Variants in IL7 observed in about 807,000 individuals in gnomAD.
IL7 encodes interleukin 7, also known as interleukin-7.
In IL7, 3 loss-of-function variants were observed where a neutral mutation model predicts 21.6. The observed-to-expected ratio is 0.14, with a 90% CI of 0.06 to 0.36. The LOEUF (loss-of-function observed/expected upper bound fraction) is 0.36, where lower values mean the gene tolerates loss of function less well. Ranked by LOEUF, IL7 falls within the 10% of genes least tolerant of loss-of-function variation. The pLI is 1.00. For synonymous variants in IL7, 62 were observed against 68.1 expected (o/e 0.91, Z 0.44); for missense variants, 175 against 200.2 (o/e 0.87, Z 0.76).
downstream of IL7, among the ~76,000 whole-genome samples, chr8:78,728,011 G>C (rs6985211): frequency 1.7e-4 from 26 of 152,048 alleles, no homozygotes; most frequent in Non-Finnish European, 4.4e-5. Flanking sequence ...AATACCATTT[G>C]TAAAAGCACA....
intron 3 of IL7, chr8:78,689,299 C>T (rs1428005701): frequency 6.2e-7 from 1 of 1,602,554 alleles, no homozygotes; most frequent in Non-Finnish European, 8.5e-7. Context: ...CTGTAAAGAA[C>T]AGGCAGCACG....
At chr8:78,801,042 G>A (rs1814039057) in intron 1 of IL7, among the ~76,000 whole-genome samples, 1 of 152,066 alleles carries the variant, frequency 6.6e-6, no homozygotes, top group Admixed American at 6.5e-5. Context: ...TTCCAATGAG[G>A]GTTGCTGGAA....
intron 2 of IL7, among the ~76,000 whole-genome samples, chr8:78,778,850 A>T (rs1813221722): frequency 6.6e-6 from 1 of 152,112 alleles, no homozygotes; most frequent in African/African-American, 2.4e-5. Flanking sequence ...GGCCATTTTC[A>T]CAATGTTGAT....
rs115376728 is a variant in IL7 at position 78,746,228 on chromosome 8, C to T, written c.148-6146G>A. Among the ~76,000 whole-genome samples, 1,271 of 152,280 alleles carry T rather than the reference C, an allele frequency of 8.3e-3. 22 individuals carry two copies. Among genetic ancestry groups the T allele is most frequent in the African/African-American group, 0.028 (1,177 of 41,560 alleles). On this transcript the variant is annotated intron_variant, in intron 2 of 5. Transcript: ENST00000263851. ...TGCTTTCAGTACAGTTTCTGTGGAT[C>T]AAGAATTTGGAAGCTGCCTAACCGG...
chr8:78,698,607 A>G, intron 3 of IL7: 1 of 929,850 alleles, frequency 1.1e-6, no homozygotes, highest in Non-Finnish European at 1.5e-6. Flanking sequence ...ATTCATCTTC[A>G]TTTCCTAAGT....
At chr8:78,749,448 G>C (rs770053764) in intron 2 of IL7, among the ~76,000 whole-genome samples, 26 of 151,902 alleles carry the variant, frequency 1.7e-4, no homozygotes, top group Non-Finnish European at 3.5e-4. Flanking sequence ...TGAGGTCACA[G>C]GGCAAACCAC....
intron 4 of IL7, among the ~76,000 whole-genome samples, chr8:78,676,728 A>G (rs1397229068): frequency 6.6e-6 from 1 of 151,688 alleles, no homozygotes; most frequent in Non-Finnish European, 1.5e-5. Flanking sequence ...CTTTTTTGTA[A>G]TCTTTTAAAA....
chr8:78,724,753 C>T (rs1256365523), intron 3 of IL7, among the ~76,000 whole-genome samples: 1 of 152,010 alleles, frequency 6.6e-6, no homozygotes, highest in Non-Finnish European at 1.5e-5. Context: ...CTCTCTGAGG[C>T]AGTCTATTCT....
chr8:78,730,599 T>A (rs1006561916), downstream of IL7, among the ~76,000 whole-genome samples: 5 of 151,980 alleles, frequency 3.3e-5, no homozygotes, highest in African/African-American at 1.2e-4. Context: ...TACCCATCTT[T>A]AAGTAAATTA....
intron 4 of IL7, among the ~76,000 whole-genome samples, chr8:78,683,796 C>G (rs539880714): frequency 2.6e-5 from 4 of 152,210 alleles, no homozygotes; most frequent in African/African-American, 9.6e-5. Flanking sequence ...ATATATTCTG[C>G]TTCCTCTTGA....
At chr8:78,694,270 T>C (rs1810322041) in intron 3 of IL7, among the ~76,000 whole-genome samples, 1 of 142,898 alleles carries the variant, frequency 7.0e-6, no homozygotes, top group African/African-American at 2.5e-5. Context: ...AAGTGACTTG[T>C]ATGGATATGT....
chr8:78,695,535 A>G (rs1810372456), intron 3 of IL7, among the ~76,000 whole-genome samples: 1 of 152,022 alleles, frequency 6.6e-6, no homozygotes, highest in Admixed American at 6.6e-5. Flanking sequence ...TTGTTTCCTA[A>G]TCTGATTTTA....
chr8:78,726,549 C>T (rs1811343712), intron 3 of IL7, among the ~76,000 whole-genome samples: 1 of 151,896 alleles, frequency 6.6e-6, no homozygotes, highest in African/African-American at 2.4e-5. Flanking sequence ...CTTTTTAGCC[C>T]CTTAATTAGT....
At chr8:78,707,082 G>A (rs1462289956) in intron 3 of IL7, among the ~76,000 whole-genome samples, 1 of 152,164 alleles carries the variant, frequency 6.6e-6, no homozygotes, top group Non-Finnish European at 1.5e-5. Context: ...CTCATTGGAT[G>A]ATTAAGTGAA....
Position 78,712,292 on chromosome 8 carries a change from A to T in IL7, n.214+9056T>A, listed in dbSNP as rs1249547554. On this transcript the variant is annotated intron_variant and non_coding_transcript_variant, in intron 3 of 4. Transcript: ENST00000523959. ...GATTTTTAGTAAGCATTTCTGTTGT[A>T]CTAAATAAAACTTTTTAGGTTATAC... is the stretch of plus-strand genomic sequence containing the variant. Among the ~76,000 whole-genome samples the T allele has an allele frequency of 3.9e-5, 6 of 152,298 alleles. No homozygotes were observed. In the East Asian group the frequency reaches 9.6e-4, roughly 24 times the overall value.
intron 2 of IL7, among the ~76,000 whole-genome samples, chr8:78,753,378 GAA>G (rs1401231083): frequency 6.6e-6 from 1 of 151,794 alleles, no homozygotes; most frequent in Non-Finnish European, 1.5e-5. Context: ...GCATAAATTT[GAA>G]AAGTGTCTGT....
chr8:78,728,713 C>T (rs752483047), downstream of IL7, among the ~76,000 whole-genome samples: 2 of 151,934 alleles, frequency 1.3e-5, no homozygotes, highest in Non-Finnish European at 2.9e-5. Flanking sequence ...AGTATAGAGA[C>T]ATTTTTGACT....
intron 3 of IL7, among the ~76,000 whole-genome samples, chr8:78,690,279 G>C (rs1449293418): frequency 6.6e-6 from 1 of 152,166 alleles, no homozygotes; most frequent in Non-Finnish European, 1.5e-5. Flanking sequence ...TTCTTTGGCA[G>C]CCGGGTGCAG....
intron 2 of IL7, among the ~76,000 whole-genome samples, chr8:78,778,228 T>C (rs968076505): frequency 1.3e-5 from 2 of 152,106 alleles, no homozygotes; most frequent in South Asian, 4.1e-4. Context: ...AGCCATTTCA[T>C]AAATGCATGC....
Sources: gnomAD v4.1 joint callset for allele counts (sites outside exome capture counted in the v4.1 genomes callset) on GRCh38, gnomAD v4.1.1 for gene constraint, MANE v1.5 for transcripts, NCBI Gene and HGNC (gene_info 2026-07-23, HGNC 2026-07-21) for gene names.